The following CNNM2 variants were observed in gnomAD, a reference collection of about 807,000 sequenced individuals.
CNNM2 encodes cyclin and CBS domain divalent metal cation transport mediator 2.
CNNM2 carries 12 observed loss-of-function variants against 66.9 expected under a neutral mutation model. That is an observed-to-expected ratio of 0.18 (90% CI 0.11 to 0.29). CNNM2 has a LOEUF of 0.29. Among genes scored for constraint, CNNM2 ranks in the 10% least tolerant of loss-of-function variants. CNNM2 has a pLI of 1.00. For missense variants in CNNM2, 705 were observed against 1,167.7 expected, an observed-to-expected ratio of 0.60 and a Z score of 5.77; for synonymous variants, 557 against 501.8, an observed-to-expected ratio of 1.11 and a Z score of -1.47.
At chr10:103,035,699 C>T (rs1366530347) in intron 1 of CNNM2, among the ~76,000 whole-genome samples, 1 of 152,040 alleles carries the variant, frequency 6.6e-6, no homozygotes, top group African/African-American at 2.4e-5. Context: ...GAAGAACAAG[C>T]GAAAGAGAAA....
chr10:103,076,861 T>A, intron 7 of CNNM2, 110 bp from the exon 8 acceptor site: 3 of 975,756 alleles, frequency 3.1e-6, no homozygotes, highest in Middle Eastern at 2.5e-4. Context: ...AAGTGTGATT[T>A]TCTCCTAGAG....
intron 1 of CNNM2, among the ~76,000 whole-genome samples, chr10:102,953,309 T>G (rs770193472): frequency 1.3e-5 from 2 of 152,102 alleles, no homozygotes; most frequent in Non-Finnish European, 2.9e-5. Context: ...CAGGCTGGAG[T>G]GCAGTGATGC....
At position 103,088,526 on chromosome 10, in the gene CNNM2, T is replaced by G. The variant is rs1358435921; in HGVS notation, c.*11346T>G. On this transcript the variant is annotated 3_prime_UTR_variant, in exon 8 of 8. Coordinates refer to ENST00000369878, the MANE Select transcript of CNNM2 (RefSeq NM_017649.5). Reference sequence around the variant, plus strand: ...CAGCCTCCTGAGTAGATGATGGGATTACAGGCATGCACCACCACGCCCAGG... The same window carrying G: ...CAGCCTCCTGAGTAGATGATGGGATGACAGGCATGCACCACCACGCCCAGG... The G allele has an allele frequency of 6.6e-6, 1 of 152,536 alleles. No homozygotes were observed. Among genetic ancestry groups the G allele is most frequent in the East Asian group, 1.9e-4 (1 of 5,254 alleles). 9.4% of individuals were successfully genotyped at this position (152,536 alleles called of 1,614,324 possible). A position where few individuals can be genotyped will look rare whatever the true frequency, so the allele number is the denominator to read the frequency against.
intron 1 of CNNM2, among the ~76,000 whole-genome samples, chr10:102,966,344 T>G (rs1197164571): frequency 1.3e-5 from 2 of 152,190 alleles, no homozygotes; most frequent in Non-Finnish European, 2.9e-5. Flanking sequence ...AAAAAGGATC[T>G]TGTTGGCCTG....
intron 1 of CNNM2, among the ~76,000 whole-genome samples, chr10:103,015,968 C>T (rs1276178049): frequency 6.6e-6 from 1 of 152,174 alleles, no homozygotes; most frequent in Non-Finnish European, 1.5e-5. Context: ...TTAATCTCTA[C>T]TTGCCCCCTT....
chr10:102,931,904 T>C (rs1846078104), intron 1 of CNNM2, among the ~76,000 whole-genome samples: 1 of 151,728 alleles, frequency 6.6e-6, no homozygotes, highest in South Asian at 2.1e-4. Context: ...CTCATCGTGG[T>C]TTTGATTTGC....
At chr10:102,999,655 C>A (rs187439561) in intron 1 of CNNM2, among the ~76,000 whole-genome samples, 10 of 152,092 alleles carry the variant, frequency 6.6e-5, no homozygotes, top group Non-Finnish European at 1.3e-4. Context: ...CCCTTCCCCC[C>A]CCACCTCTCC....
chr10:103,007,258 A>G (rs1374736330), intron 1 of CNNM2, among the ~76,000 whole-genome samples: 2 of 152,240 alleles, frequency 1.3e-5, no homozygotes, highest in African/African-American at 2.4e-5. Context: ...CAAAGATCAC[A>G]TGATTTTGAG....
At chr10:102,978,654 AGCACACACAAAAATGC>A (rs2063674139) in intron 1 of CNNM2, among the ~76,000 whole-genome samples, 1 of 152,212 alleles carries the variant, frequency 6.6e-6, no homozygotes, top group African/African-American at 2.4e-5. Flanking sequence ...GATGTTTATA[AGCACACACAAAAATGC>A]ACATGTTATG....
rs756689358 is a variant in CNNM2, at chr10:102,918,433, C to G, written c.-48C>G. The stretch of plus-strand genomic sequence containing the variant: ...TCGCCCAGGGGCCGGTACCTGCGCT[C>G]GCGCCGCCGGGTTGAAAGGATGAAG... On this transcript the variant is annotated 5_prime_UTR_variant, in exon 1 of 8. Transcript: ENST00000369878. The surrounding 1 kb of genome is among the most constrained non-coding windows in gnomAD (Gnocchi z 4.1). The G allele has an allele frequency of 1.3e-6, 2 of 1,573,186 alleles. No individual in the cohort carries two copies. The highest frequency in any genetic ancestry group is 1.4e-5 in the African/African-American group (1 of 73,814).
chr10:103,089,783 T>C lies in CNNM2; in HGVS notation c.*12603T>C. 2 of 1,614,098 alleles carry C rather than the reference T, an allele frequency of 1.2e-6. No homozygotes were observed. Among genetic ancestry groups the C allele is most frequent in the Non-Finnish European group, 1.7e-6 (2 of 1,179,984 alleles). On this transcript the variant is annotated 3_prime_UTR_variant, in exon 8 of 8. Transcript: ENST00000369878. ...GAGGTTTAATCTCACTAATTGACCG[T>C]GTCAGCTGGTGCCGCTTGTAGTCAG...
chr10:103,059,649 G>A (rs1486090994), intron 4 of CNNM2, among the ~76,000 whole-genome samples: 1 of 152,148 alleles, frequency 6.6e-6, no homozygotes, highest in African/African-American at 2.4e-5. Flanking sequence ...AACTTTATTG[G>A]CTCTACATGC....
intron 1 of CNNM2, among the ~76,000 whole-genome samples, chr10:103,015,001 A>C (rs2064414800): frequency 2.0e-5 from 3 of 152,244 alleles, no homozygotes; most frequent in Non-Finnish European, 4.4e-5. Context: ...TCTTCCAGTA[A>C]ATCAACTACA....
chr10:103,046,560 T>C (rs1008301752), intron 1 of CNNM2, among the ~76,000 whole-genome samples: 4 of 152,218 alleles, frequency 2.6e-5, no homozygotes, highest in East Asian at 3.8e-4. Flanking sequence ...ATTTACTGTA[T>C]TTGAATTAAA....
At chr10:103,060,055 T>C (rs1361361116) in intron 4 of CNNM2, among the ~76,000 whole-genome samples, 1 of 152,056 alleles carries the variant, frequency 6.6e-6, no homozygotes, top group African/African-American at 2.4e-5. Context: ...CAGGATTGCT[T>C]AAGCCCAGGT....
intron 5 of CNNM2, among the ~76,000 whole-genome samples, chr10:103,070,134 C>T (rs1189062030): frequency 6.6e-6 from 1 of 152,120 alleles, no homozygotes; most frequent in Non-Finnish European, 1.5e-5. Flanking sequence ...CAACTGCTGA[C>T]CAACACCCAA....
chr10:103,025,456 C>T (rs768285717), intron 1 of CNNM2, among the ~76,000 whole-genome samples: 1 of 152,244 alleles, frequency 6.6e-6, no homozygotes. Context: ...AGTGATACTT[C>T]AGCACCACAC....
chr10:102,995,369 T>A (rs2063977917), intron 1 of CNNM2, among the ~76,000 whole-genome samples: 1 of 150,038 alleles, frequency 6.7e-6, no homozygotes, highest in South Asian at 2.1e-4. Flanking sequence ...TGTGCCACTA[T>A]GCCCAGCTAA....
At chr10:103,046,442 T>G (rs937179171) in intron 1 of CNNM2, among the ~76,000 whole-genome samples, 7 of 152,344 alleles carry the variant, frequency 4.6e-5, no homozygotes, top group Admixed American at 2.0e-4. Context: ...TCACAAAAAC[T>G]TGCAACCTGT....
Sources: allele counts gnomAD v4.1 joint callset (sites outside exome capture counted in the v4.1 genomes callset), GRCh38; gene constraint gnomAD v4.1.1; non-coding constraint Gnocchi (gnomAD v3.1); transcripts MANE v1.5; gene names NCBI Gene and HGNC (gene_info 2026-07-23, HGNC 2026-07-21).